GFM1: variants seen among roughly 807,000 people sequenced by gnomAD.
GFM1 encodes G elongation factor mitochondrial 1.
GFM1 carries 62 observed loss-of-function variants against 96.2 expected under a neutral mutation model. The ratio of observed to expected loss-of-function variants is 0.64; its 90% confidence interval spans 0.53 to 0.80. The LOEUF (loss-of-function observed/expected upper bound fraction) is 0.80. GFM1 is among the 30% of genes least tolerant of loss of function. The pLI, the probability that GFM1 is intolerant of heterozygous loss-of-function variation, is 0.00. For missense variants in GFM1, 852 were observed against 916.6 expected (o/e 0.93, Z 0.91); for synonymous variants, 282 against 312.9 (o/e 0.90, Z 1.04).
At chr3:158,660,684 C>A in intron 9 of GFM1, 190 bp from the exon 10 acceptor site, 1 of 600,300 alleles carries the variant, frequency 1.7e-6, no homozygotes, top group East Asian at 2.8e-5. Context: ...TAAATGAAGG[C>A]CTTTTAAAAA....
At chr3:158,672,647 T>C (rs1724465906) in intron 13 of GFM1, 1 of 735,934 alleles carries the variant, frequency 1.4e-6, no homozygotes, top group Non-Finnish European at 2.1e-6. Context: ...AAGCTGCTGT[T>C]TGGGCCCAGG....
Position 158,691,597 on chromosome 3 carries a change from T to C in GFM1, c.*130T>C. 3.1e-6 allele frequency: 3 copies of C among 955,396 alleles called. No individual in the cohort carries two copies. The highest frequency in any genetic ancestry group is 4.9e-5 in the East Asian group (2 of 40,592). The allele number at this position is 955,396 out of a possible 1,614,324, so 59.2% of individuals were successfully genotyped here. A position where few individuals can be genotyped will look rare whatever the true frequency, so the allele number is the denominator to read the frequency against. On this transcript the variant is annotated 3_prime_UTR_variant, in exon 18 of 18. Coordinates refer to ENST00000486715, the MANE Select transcript of GFM1 (RefSeq NM_024996.7). ...AGCCCAGGAAGCGGGCTCTTCTTTC[T>C]TCAAAAGAAGCCCTTCTTGTTCATA...
chr3:158,650,881 C>G (rs573395379), intron 5 of GFM1: 1 of 151,870 alleles, frequency 6.6e-6, no homozygotes, highest in Non-Finnish European at 1.5e-5. Context: ...ATTAGCCGGG[C>G]GTGGTGGCGG....
intron 8 of GFM1, chr3:158,657,168 ATATTT>A (rs1187551382): frequency 6.6e-6 from 1 of 152,198 alleles, no homozygotes; most frequent in Non-Finnish European, 1.5e-5. Context: ...TACTTTAAAA[ATATTT>A]TACAGTATAT....
At chr3:158,669,048 G>C (rs1724005533) in intron 13 of GFM1, 3 of 1,613,536 alleles carry the variant, frequency 1.9e-6, no homozygotes, top group Non-Finnish European at 2.5e-6. Flanking sequence ...GTCTTCAGTA[G>C]AATTTTGCCA....
intron 13 of GFM1, chr3:158,669,205 A>G (rs1296397045): frequency 4.9e-5 from 71 of 1,439,980 alleles, no homozygotes; most frequent in Non-Finnish European, 6.5e-5. Context: ...TAAATTCTAA[A>G]TCATGTCTTA....
chr3:158,678,714 A>G (rs1725113938), intron 13 of GFM1, among the ~76,000 whole-genome samples: 2 of 152,320 alleles, frequency 1.3e-5, no homozygotes, highest in Middle Eastern at 3.4e-3. Flanking sequence ...CAAAGGGTAA[A>G]ACCTGGTTGA....
At chr3:158,671,900 C>G (rs1576767649) in intron 13 of GFM1, among the ~76,000 whole-genome samples, 1 of 152,284 alleles carries the variant, frequency 6.6e-6, no homozygotes, top group East Asian at 1.9e-4. Flanking sequence ...TTGTTTCCCC[C>G]TTCATTTTGG....
chr3:158,668,108 A>G (rs1203619115), intron 13 of GFM1, among the ~76,000 whole-genome samples: 1 of 152,184 alleles, frequency 6.6e-6, no homozygotes, highest in African/African-American at 2.4e-5. Flanking sequence ...AAAGGTGAGG[A>G]GAGTCATTAC....
chr3:158,687,907 C>A (rs79649434), intron 15 of GFM1, among the ~76,000 whole-genome samples: 2,449 of 152,034 alleles, frequency 0.016, 60 homozygotes, highest in African/African-American at 0.056. Flanking sequence ...GAAGTTCTTG[C>A]CACACTCAGC....
chr3:158,675,175 T>C (rs1724766929), intron 13 of GFM1, among the ~76,000 whole-genome samples: 1 of 150,312 alleles, frequency 6.7e-6, no homozygotes, highest in African/African-American at 2.5e-5. Flanking sequence ...TAATCCCAGC[T>C]ACTCGGGAGG....
In GFM1 at chr3:158,654,539, A is replaced by AT. The variant is rs1560131140; in HGVS notation, c.999-4dup. 1.3e-6 allele frequency: 2 copies of AT among 1,494,866 alleles called. No individual in the cohort carries two copies. Among genetic ancestry groups the AT allele is most frequent in the Non-Finnish European group, 1.9e-6 (2 of 1,071,696 alleles). The allele number at this position is 1,494,866 out of a possible 1,614,324, so 92.6% of individuals were successfully genotyped here. On this transcript the variant is annotated splice_region_variant and splice_polypyrimidine_tract_variant and intron_variant, in intron 7 of 17. Coordinates refer to ENST00000486715, the MANE Select transcript of GFM1 (RefSeq NM_024996.7). ...CATCTCATAGATTTATATTTCTTTT[A>AT]TTTTAAGTGACTCAAAAGAGAAAAC... is the stretch of plus-strand genomic sequence containing the variant.
chr3:158,675,869 T>C (rs1293341688), intron 13 of GFM1, among the ~76,000 whole-genome samples: 1 of 152,230 alleles, frequency 6.6e-6, no homozygotes, highest in Non-Finnish European at 1.5e-5. Flanking sequence ...TTTATTCTTA[T>C]ACATTATAAA....
chr3:158,647,359 A>T (rs2108004873), intron 4 of GFM1, among the ~76,000 whole-genome samples: 1 of 152,306 alleles, frequency 6.6e-6, no homozygotes, highest in East Asian at 1.9e-4. Flanking sequence ...TAGAGATGAG[A>T]TTTTCTTGTT....
rs765780801 is a variant in GFM1, at chr3:158,669,545, T to C, written c.1601+3159T>C. On this transcript the variant is annotated intron_variant, in intron 13 of 17. Coordinates refer to ENST00000486715, the MANE Select transcript of GFM1 (RefSeq NM_024996.7). ...TTTCTCCTTCAAATGTGAAGTTGACTTCTGGTGCAGTTTCTTGTCCCGTTG... is the reference window on the plus strand; with the variant it reads ...TTTCTCCTTCAAATGTGAAGTTGACCTCTGGTGCAGTTTCTTGTCCCGTTG... 3.1e-6 allele frequency: 5 copies of C among 1,614,066 alleles called. No homozygotes were observed. In the East Asian group the frequency reaches 8.9e-5, roughly 29 times the overall value.
In GFM1 at chr3:158,684,597, A is replaced by G; in HGVS notation, c.1838A>G (p.Asp613Gly). The change falls in exon 15 of 18, where the codon GAT becomes GGT. Residue 613 changes from aspartate to glycine, a missense_variant. Physicochemically the swap from Asp to Gly is moderately conservative, Grantham distance 94. Coordinates refer to ENST00000486715, the MANE Select transcript of GFM1 (RefSeq NM_024996.7). ...KLSGLRFVLQ[D>G]GAHHMVDSNE... is the part of the protein sequence containing the mutation. ...TCTGGGCTCCGGTTTGTCCTGCAAG[A>G]TGGAGCACACCACATGGTTGATTCT... The G allele has an allele frequency of 6.2e-7, 1 of 1,614,102 alleles. No homozygotes were observed. The highest frequency in any genetic ancestry group is 8.5e-7 in the Non-Finnish European group (1 of 1,179,982).
At chr3:158,647,660 T>C (rs73156451) in intron 4 of GFM1, among the ~76,000 whole-genome samples, 24,135 of 152,198 alleles carry the variant, frequency 0.16, 1,991 homozygotes, top group South Asian at 0.22. Context: ...GGAAGTGATA[T>C]ATTTGATATG....
At chr3:158,686,428 A>G (rs1725856392) in intron 15 of GFM1, among the ~76,000 whole-genome samples, 2 of 149,288 alleles carry the variant, frequency 1.3e-5, no homozygotes, top group South Asian at 4.2e-4. Flanking sequence ...TATATAATAT[A>G]TCTTTTAGGA....
intron 13 of GFM1, among the ~76,000 whole-genome samples, chr3:158,668,319 A>C (rs1253363989): frequency 1.3e-5 from 2 of 152,180 alleles, no homozygotes; most frequent in Non-Finnish European, 1.5e-5. Context: ...TTGTTATATT[A>C]CTTAGGGAAT....
Sources: gnomAD v4.1 joint callset for allele counts (sites outside exome capture counted in the v4.1 genomes callset) on GRCh38, gnomAD v4.1.1 for gene constraint, MANE v1.5 for transcripts, NCBI Gene and HGNC (gene_info 2026-07-23, HGNC 2026-07-21) for gene names.